Variants in MAP3K1 observed in about 807,000 individuals in gnomAD.
MAP3K1 encodes MAP/ERK kinase kinase 1.
Under a neutral mutation model 144.2 loss-of-function variants are expected in MAP3K1, and 36 were observed. The observed-to-expected ratio is 0.25, with a 90% CI of 0.19 to 0.33. The LOEUF (loss-of-function observed/expected upper bound fraction) is 0.33, where lower values mean the gene tolerates loss of function less well. MAP3K1 is among the 10% of genes least tolerant of loss of function. MAP3K1 has a pLI of 1.00. For missense variants in MAP3K1, 1,650 were observed against 1,881.9 expected, an observed-to-expected ratio of 0.88 and a Z score of 2.28; for synonymous variants, 718 against 688.7, an observed-to-expected ratio of 1.04 and a Z score of -0.67.
chr5:56,847,148 A>G (rs1747023484), intron 1 of MAP3K1, among the ~76,000 whole-genome samples: 1 of 152,238 alleles, frequency 6.6e-6, no homozygotes, highest in Admixed American at 6.5e-5. Context: ...TCTGGGTTTC[A>G]GCTGCAAGGA....
intron 1 of MAP3K1, among the ~76,000 whole-genome samples, chr5:56,853,992 G>C (rs1420697978): frequency 6.6e-6 from 1 of 152,200 alleles, no homozygotes; most frequent in African/African-American, 2.4e-5. Flanking sequence ...CTCGTTAGGA[G>C]CCTGTTGCTA....
intron 1 of MAP3K1, among the ~76,000 whole-genome samples, chr5:56,826,690 G>A (rs1303220578): frequency 3.3e-5 from 5 of 152,258 alleles, no homozygotes; most frequent in Non-Finnish European, 2.9e-5. Flanking sequence ...GAGCAAGCAC[G>A]TTAGATGTGC....
At chr5:56,876,177 TG>T (rs1748021956) in intron 10 of MAP3K1, among the ~76,000 whole-genome samples, 1 of 84,006 alleles carries the variant, frequency 1.2e-5, no homozygotes, top group African/African-American at 4.8e-5. Context: ...TGTTGGAGGG[TG>T]GGGGGAGGGC....
intron 1 of MAP3K1, among the ~76,000 whole-genome samples, chr5:56,821,670 C>G (rs1366199068): frequency 6.6e-6 from 1 of 152,148 alleles, no homozygotes; most frequent in Non-Finnish European, 1.5e-5. Flanking sequence ...GGGTGCAAGC[C>G]ACTGTGTCTG....
intron 1 of MAP3K1, chr5:56,820,555 CAA>C: frequency 2.0e-6 from 2 of 985,222 alleles, no homozygotes; most frequent in Non-Finnish European, 1.2e-6. Flanking sequence ...TCATGTCAGC[CAA>C]AGAGGGTTAG....
chr5:56,824,085 G>C (rs1424434317), intron 1 of MAP3K1, among the ~76,000 whole-genome samples: 1 of 152,084 alleles, frequency 6.6e-6, no homozygotes, highest in Admixed American at 6.5e-5. Flanking sequence ...AATTCAACTT[G>C]GGATAAATAA....
chr5:56,838,599 A>T (rs1746723505), intron 1 of MAP3K1, among the ~76,000 whole-genome samples: 1 of 152,022 alleles, frequency 6.6e-6, no homozygotes, highest in Admixed American at 6.6e-5. Flanking sequence ...CTTTGGTATT[A>T]ATGATTGCCT....
chr5:56,817,012 C>G (rs1251400110), intron 1 of MAP3K1: 6 of 972,338 alleles, frequency 6.2e-6, no homozygotes, highest in Non-Finnish European at 6.1e-6. Flanking sequence ...GTGCTTCCTG[C>G]TCGGTGCCCT....
intron 3 of MAP3K1, among the ~76,000 whole-genome samples, chr5:56,864,093 G>C (rs1379476725): frequency 1.3e-5 from 2 of 152,144 alleles, no homozygotes; most frequent in African/African-American, 4.8e-5. Context: ...CATTCTGCCT[G>C]CTTATGATAT....
Position 56,875,082 on chromosome 5 carries a change from G to A in MAP3K1, c.1737G>A (p.Val579=). The A allele has an allele frequency of 6.2e-7, 1 of 1,614,200 alleles. No homozygotes were observed. Among genetic ancestry groups the A allele is most frequent in the Non-Finnish European group, 8.5e-7 (1 of 1,180,030 alleles). Residue 579 remains valine (V), a synonymous_variant, in exon 10 of 20, where the codon GTG becomes GTA. Transcript: ENST00000399503. ...GCTTATTTTCTAGAAACTGGAATGT[G>A]AGAGAGATGGCCCTCAGGCGTCTTT... ...VGCLFSRNWN[V]REMALRRLSH...
chr5:56,873,261 C>G (rs536365017), intron 9 of MAP3K1, among the ~76,000 whole-genome samples: 7 of 152,238 alleles, frequency 4.6e-5, no homozygotes, highest in Admixed American at 3.3e-4. Context: ...AACGGACATA[C>G]GGGGTTATTC....
At chr5:56,816,192 T>C in intron 1 of MAP3K1, 137 bp downstream of exon 1, 1 of 910,958 alleles carries the variant, frequency 1.1e-6, no homozygotes, top group East Asian at 4.0e-5. Context: ...CCTACGCCCC[T>C]GAGCACCCCC....
Position 56,895,563 on chromosome 5 carries a change from G to T in MAP3K1, c.*1883G>T, listed in dbSNP as rs187431610. 2 of 232,284 alleles carry T rather than the reference G, an allele frequency of 8.6e-6. No homozygotes were observed. The highest frequency in any genetic ancestry group is 1.2e-4 in the East Asian group (2 of 16,394). 14.4% of individuals were successfully genotyped at this position (232,284 alleles called of 1,614,324 possible). Reference sequence around the variant, plus strand: ...CTCAGCTAATCAGTATTACTTTGTAGATCACCATGCCCACCACATTTCAAA... The same window carrying T: ...CTCAGCTAATCAGTATTACTTTGTATATCACCATGCCCACCACATTTCAAA... On this transcript the variant is annotated 3_prime_UTR_variant, in exon 20 of 20. Transcript: ENST00000399503.
intron 1 of MAP3K1, among the ~76,000 whole-genome samples, chr5:56,823,900 T>C (rs751188319): frequency 6.6e-6 from 1 of 152,220 alleles, no homozygotes; most frequent in African/African-American, 2.4e-5. Flanking sequence ...TGTATATATA[T>C]GCATTTATAT....
chr5:56,860,029 C>T, intron 3 of MAP3K1, 114 bp downstream of exon 3: 1 of 959,942 alleles, frequency 1.0e-6, no homozygotes, highest in Non-Finnish European at 1.6e-6. Context: ...ATATGATCTG[C>T]AGACCCCTGA....
intron 6 of MAP3K1, among the ~76,000 whole-genome samples, chr5:56,867,701 A>C (rs1366779575): frequency 6.6e-6 from 1 of 152,232 alleles, no homozygotes. Context: ...TGAAGAAAAA[A>C]GGAATATGGC....
At chr5:56,838,166 G>A (rs1746710282) in intron 1 of MAP3K1, among the ~76,000 whole-genome samples, 2 of 152,164 alleles carry the variant, frequency 1.3e-5, no homozygotes, top group Non-Finnish European at 2.9e-5. Context: ...TTGAGTCAAA[G>A]CTGTTGTTTT....
intron 9 of MAP3K1, 152 bp from the exon 10 acceptor site, chr5:56,874,880 A>G (rs1747973871): frequency 1.3e-6 from 1 of 766,844 alleles, no homozygotes; most frequent in Non-Finnish European, 2.3e-6. Context: ...TATGATGCTT[A>G]AGTGGCTGGA....
In MAP3K1 at chr5:56,819,243, G is replaced by T. The variant is rs183087467; in HGVS notation, c.482+3188G>T. 8.5e-4 allele frequency among the ~76,000 whole-genome samples: 130 copies of T among 152,188 alleles called. 2 individuals carry two copies. In the East Asian group the frequency reaches 0.021, roughly 25 times the overall value. On this transcript the variant is annotated intron_variant, in intron 1 of 19. Coordinates refer to ENST00000399503, the MANE Select transcript of MAP3K1 (RefSeq NM_005921.2). ...GGTTAACCAACATTCCTTAATATAC[G>T]ATTTCCAATGCACTAAAACTCCATT...
Sources: gnomAD v4.1 joint callset for allele counts (sites outside exome capture counted in the v4.1 genomes callset) on GRCh38, gnomAD v4.1.1 for gene constraint, MANE v1.5 for transcripts, NCBI Gene and HGNC (gene_info 2026-07-23, HGNC 2026-07-21) for gene names.